Variants in MAP3K5 observed in about 807,000 individuals in gnomAD.
The protein encoded by MAP3K5 is ASK-1.
A neutral mutation model predicts 158.7 loss-of-function variants in MAP3K5; 56 were observed. That is an observed-to-expected ratio of 0.35 (90% CI 0.28 to 0.44). The LOEUF (loss-of-function observed/expected upper bound fraction) is 0.44. Among genes scored for constraint, MAP3K5 ranks in the 20% least tolerant of loss-of-function variants. MAP3K5 has a pLI of 1.00. For synonymous variants in MAP3K5, 579 were observed against 601.7 expected (o/e 0.96, Z 0.55); for missense variants, 1,294 against 1,674.8 (o/e 0.77, Z 3.97).
chr6:136,635,339 A>G (rs1445938650), intron 14 of MAP3K5, among the ~76,000 whole-genome samples: 1 of 152,194 alleles, frequency 6.6e-6, no homozygotes, highest in Admixed American at 6.5e-5. Flanking sequence ...GCCCTGAAGT[A>G]GGAGTCAAGA....
At chr6:136,759,704 C>G (rs1454658558) in intron 1 of MAP3K5, among the ~76,000 whole-genome samples, 1 of 150,866 alleles carries the variant, frequency 6.6e-6, no homozygotes, top group Non-Finnish European at 1.5e-5. Context: ...AACTCCTGGG[C>G]TCAAGCGATC....
chr6:136,674,126 GA>G (rs957135835), intron 7 of MAP3K5, among the ~76,000 whole-genome samples: 53 of 143,502 alleles, frequency 3.7e-4, no homozygotes, highest in African/African-American at 1.0e-3. Flanking sequence ...AGTAATAAAA[GA>G]AAAAAAAAAG....
At position 136,609,122 on chromosome 6, in the gene MAP3K5, G is replaced by C. The variant is rs893183070; in HGVS notation, c.2521+2160C>G. 6.6e-6 allele frequency among the ~76,000 whole-genome samples: 1 copy of C among 152,200 alleles called. No homozygotes were observed. Among genetic ancestry groups the C allele is most frequent in the African/African-American group, 2.4e-5 (1 of 41,446 alleles). On this transcript the variant is annotated intron_variant, in intron 18 of 29. Coordinates refer to ENST00000359015, the MANE Select transcript of MAP3K5 (RefSeq NM_005923.4). The surrounding 1 kb of genome is among the most constrained non-coding windows in gnomAD (Gnocchi z 4.4). ...AAAAAAGATGTTCCCCAGATTAGTA[G>C]CAGAAGATACTGTGTTAACATCCTG...
At chr6:136,591,658 T>C (rs887400828) in intron 23 of MAP3K5, among the ~76,000 whole-genome samples, 1 of 152,242 alleles carries the variant, frequency 6.6e-6, no homozygotes, top group Non-Finnish European at 1.5e-5. Flanking sequence ...TTCCAAGGAC[T>C]TATCAACTAC....
At chr6:136,562,795 C>T (rs1830573755) in intron 26 of MAP3K5, among the ~76,000 whole-genome samples, 180 bp from the exon 27 acceptor site, 1 of 151,352 alleles carries the variant, frequency 6.6e-6, no homozygotes, top group East Asian at 2.0e-4. Context: ...CTCAGTTTTC[C>T]AAGCAGCTGG....
At chr6:136,715,549 C>A (rs1296051789) in intron 2 of MAP3K5, among the ~76,000 whole-genome samples, 1 of 152,178 alleles carries the variant, frequency 6.6e-6, no homozygotes, top group Non-Finnish European at 1.5e-5. Context: ...ATTCCATGCA[C>A]ATGTCTATCC....
chr6:136,668,256 C>T (rs761545984), intron 8 of MAP3K5, among the ~76,000 whole-genome samples: 33 of 151,810 alleles, frequency 2.2e-4, no homozygotes, highest in Non-Finnish European at 4.1e-4. Flanking sequence ...TGGTGGTGCA[C>T]GCCTACAGTC....
intron 2 of MAP3K5, among the ~76,000 whole-genome samples, 182 bp from the exon 3 acceptor site, chr6:136,705,315 A>G (rs566260561): frequency 5.3e-5 from 8 of 152,072 alleles, no homozygotes; most frequent in Non-Finnish European, 1.2e-4. Context: ...CTTATTTTAG[A>G]GAAAAGGTTG....
At chr6:136,685,105 G>C (rs1322974383) in intron 7 of MAP3K5, among the ~76,000 whole-genome samples, 1 of 151,870 alleles carries the variant, frequency 6.6e-6, no homozygotes, top group Non-Finnish European at 1.5e-5. Context: ...TGGAGCCCAG[G>C]AGTTCAGGAT....
intron 2 of MAP3K5, among the ~76,000 whole-genome samples, chr6:136,706,753 G>A (rs962943702): frequency 7.2e-5 from 11 of 152,212 alleles, no homozygotes; most frequent in Non-Finnish European, 1.5e-4. Flanking sequence ...AAAGGAGCAT[G>A]TAAGATTTTT....
At chr6:136,705,854 C>T (rs909933565) in intron 2 of MAP3K5, among the ~76,000 whole-genome samples, 1 of 152,194 alleles carries the variant, frequency 6.6e-6, no homozygotes, top group African/African-American at 2.4e-5. Context: ...TGTGTTACAT[C>T]CTGAGCAGCT....
chr6:136,724,379 G>C (rs974607662), intron 1 of MAP3K5, among the ~76,000 whole-genome samples: 3 of 151,648 alleles, frequency 2.0e-5, no homozygotes, highest in African/African-American at 7.3e-5. Flanking sequence ...CTCCCAAGTA[G>C]CTGGGATTAC....
intron 25 of MAP3K5, among the ~76,000 whole-genome samples, chr6:136,575,835 G>C (rs1359670883): frequency 6.6e-6 from 1 of 152,136 alleles, no homozygotes; most frequent in African/African-American, 2.4e-5. Flanking sequence ...TTTGGTTGAG[G>C]GGGTGTCTGC....
intron 5 of MAP3K5, among the ~76,000 whole-genome samples, chr6:136,696,697 C>T (rs1780612900): frequency 6.6e-6 from 1 of 152,144 alleles, no homozygotes; most frequent in Admixed American, 6.5e-5. Flanking sequence ...AATTTTAAGA[C>T]ATGTCAATAA....
intron 15 of MAP3K5, among the ~76,000 whole-genome samples, chr6:136,621,777 G>A (rs1442354337): frequency 1.3e-5 from 2 of 152,178 alleles, no homozygotes; most frequent in Non-Finnish European, 2.9e-5. Flanking sequence ...AGAACAGAAT[G>A]CTTCAGCGTA....
chr6:136,577,738 C>A (rs994332633), intron 25 of MAP3K5, among the ~76,000 whole-genome samples: 3 of 152,186 alleles, frequency 2.0e-5, no homozygotes, highest in African/African-American at 4.8e-5. Context: ...AAAGATAGTA[C>A]AAAGAATTCC....
intron 14 of MAP3K5, among the ~76,000 whole-genome samples, chr6:136,635,298 G>A (rs1777569798): frequency 6.6e-6 from 1 of 151,974 alleles, no homozygotes; most frequent in South Asian, 2.1e-4. Context: ...ATTTAACACA[G>A]AAACAAAGAT....
intron 1 of MAP3K5, among the ~76,000 whole-genome samples, chr6:136,738,383 T>G (rs568512248): frequency 6.6e-6 from 1 of 152,168 alleles, no homozygotes; most frequent in Non-Finnish European, 1.5e-5. Context: ...GGGACCTGAC[T>G]GTTTTAACAG....
intron 25 of MAP3K5, among the ~76,000 whole-genome samples, chr6:136,576,623 T>C (rs1774630896): frequency 6.6e-6 from 1 of 152,128 alleles, no homozygotes; most frequent in South Asian, 2.1e-4. Flanking sequence ...TTATCTTTTA[T>C]TTCCCCTGCC....
Sources: allele counts gnomAD v4.1 joint callset (sites outside exome capture counted in the v4.1 genomes callset), GRCh38; gene constraint gnomAD v4.1.1; non-coding constraint Gnocchi (gnomAD v3.1); transcripts MANE v1.5; gene names NCBI Gene and HGNC (gene_info 2026-07-23, HGNC 2026-07-21).